SUZ12: variants seen among roughly 807,000 people sequenced by gnomAD.
SUZ12 encodes polycomb protein SUZ12.
Under a neutral mutation model 87.3 loss-of-function variants are expected in SUZ12, and 17 were observed. The observed-to-expected ratio is 0.19, with a 90% confidence interval of 0.13 to 0.29. The LOEUF (loss-of-function observed/expected upper bound fraction) is 0.29, where lower values mean the gene tolerates loss of function less well. Ranked by LOEUF, SUZ12 falls within the 10% of genes least tolerant of loss-of-function variation. SUZ12 has a pLI of 1.00. For synonymous variants in SUZ12, 253 were observed against 312.4 expected (o/e 0.81, Z 2.01); for missense variants, 526 against 912.2 (o/e 0.58, Z 5.45).
At chr17:31,975,965 C>T (rs1224550324) in intron 7 of SUZ12, among the ~76,000 whole-genome samples, 2 of 152,170 alleles carry the variant, frequency 1.3e-5, no homozygotes, top group Non-Finnish European at 2.9e-5. Flanking sequence ...GTGTATTTAT[C>T]CCCCTGCCCA....
intron 8 of SUZ12, among the ~76,000 whole-genome samples, chr17:31,978,460 C>A (rs1241294096): frequency 9.2e-5 from 14 of 152,180 alleles, no homozygotes; most frequent in East Asian, 3.9e-4. Context: ...CCACCTGCCT[C>A]AGCCTCCCAA....
At position 31,973,219 on chromosome 17, in the gene SUZ12, C is replaced by T. The variant is rs966803120; in HGVS notation, c.579C>T (p.His193=). ...TLEVLLVKVC[H]KKRKDVSCPI... is the part of the protein sequence containing the mutation. ...AAGTCCTGCTTGTGAAAGTTTGCCA[C>T]AAAAAAAGAAAGGTAATGTCAACAA... Residue 193 remains histidine (H), a synonymous_variant, in exon 6 of 16, where the codon CAC becomes CAT. Coordinates refer to ENST00000322652, the MANE Select transcript of SUZ12 (RefSeq NM_015355.4). The T allele has an allele frequency of 1.4e-5, 22 of 1,535,472 alleles. No individual in the cohort carries two copies. Among genetic ancestry groups the T allele is most frequent in the Non-Finnish European group, 1.9e-5 (22 of 1,141,104 alleles).
At chr17:31,953,303 G>A (rs1269360289) in intron 4 of SUZ12, among the ~76,000 whole-genome samples, 1 of 151,988 alleles carries the variant, frequency 6.6e-6, no homozygotes, top group African/African-American at 2.4e-5. Context: ...GTAGAGACAG[G>A]GTTTCACCTA....
At chr17:31,977,628 C>T (rs1337475977) in intron 8 of SUZ12, among the ~76,000 whole-genome samples, 3 of 152,016 alleles carry the variant, frequency 2.0e-5, no homozygotes, top group Admixed American at 6.5e-5. Flanking sequence ...CAGTGGCTCA[C>T]GCCTGTAATC....
intron 5 of SUZ12, among the ~76,000 whole-genome samples, chr17:31,969,668 C>G (rs1275095088): frequency 6.6e-6 from 1 of 152,128 alleles, no homozygotes; most frequent in Non-Finnish European, 1.5e-5. Flanking sequence ...TCTTTTCCAT[C>G]CAAGGTTTAT....
intron 4 of SUZ12, among the ~76,000 whole-genome samples, chr17:31,952,525 A>G (rs1907050415): frequency 6.6e-6 from 1 of 151,976 alleles, no homozygotes; most frequent in Non-Finnish European, 1.5e-5. Flanking sequence ...GATTCTAGGG[A>G]TTCTTATGCT....
At chr17:31,970,601 C>T (rs1410350076) in intron 5 of SUZ12, among the ~76,000 whole-genome samples, 1 of 151,928 alleles carries the variant, frequency 6.6e-6, no homozygotes, top group African/African-American at 2.4e-5. Flanking sequence ...GCATTCCAGC[C>T]TGGACAACCG....
intron 9 of SUZ12, among the ~76,000 whole-genome samples, chr17:31,984,335 C>T (rs1909287886): frequency 6.6e-6 from 1 of 152,096 alleles, no homozygotes; most frequent in African/African-American, 2.4e-5. Flanking sequence ...AACTCTTCTC[C>T]AGTCATCTGG....
At chr17:31,955,980 C>T (rs1022559129) in intron 4 of SUZ12, among the ~76,000 whole-genome samples, 3 of 151,602 alleles carry the variant, frequency 2.0e-5, no homozygotes, top group African/African-American at 4.8e-5. Context: ...GGTGCGATCT[C>T]GGCCCACTGC....
chr17:31,946,002 C>T (rs1906612697), intron 3 of SUZ12, among the ~76,000 whole-genome samples: 3 of 152,116 alleles, frequency 2.0e-5, no homozygotes, highest in South Asian at 4.1e-4. Context: ...AAATATATTG[C>T]CATCCTTCAG....
At chr17:31,957,895 C>CTTTTTTT (rs1181314058) in intron 4 of SUZ12, among the ~76,000 whole-genome samples, 2 of 91,332 alleles carry the variant, frequency 2.2e-5, no homozygotes, top group Non-Finnish European at 4.5e-5. Context: ...ACCTTTTGTC[C>CTTTTTTT]TTTTTTTTTT....
At chr17:31,964,906 C>T (rs1433422407) in intron 4 of SUZ12, among the ~76,000 whole-genome samples, 3 of 151,886 alleles carry the variant, frequency 2.0e-5, no homozygotes, top group African/African-American at 7.3e-5. Flanking sequence ...CGCTTGAACT[C>T]GGGAGGCGGA....
rs1598172090 is a variant in SUZ12, at chr17:31,973,943, A to G, written c.591+712A>G. 2.0e-5 allele frequency among the ~76,000 whole-genome samples: 3 copies of G among 152,068 alleles called. No homozygotes were observed. In the South Asian group the frequency reaches 6.2e-4, roughly 32 times the overall value. On this transcript the variant is annotated intron_variant, in intron 6 of 15. Transcript: ENST00000322652. ...ACTTTATTTTTGAAAGTTTATGTAA[A>G]GGCCGGTTGCCGTAGCTCACACCTA... is the stretch of plus-strand genomic sequence containing the variant.
chr17:31,984,170 C>T (rs1567833234), intron 9 of SUZ12, among the ~76,000 whole-genome samples: 1 of 152,146 alleles, frequency 6.6e-6, no homozygotes, highest in Admixed American at 6.5e-5. Flanking sequence ...AGAACTTAAA[C>T]CCTATGGTAT....
At chr17:31,949,659 A>T (rs1451020119) in intron 4 of SUZ12, among the ~76,000 whole-genome samples, 1 of 2,028 alleles carries the variant, frequency 4.9e-4, no homozygotes, top group Non-Finnish European at 1.0e-3. Flanking sequence ...CACCACACCC[A>T]GCCCCCCCCC....
chr17:31,948,569 T>C (rs1765888252), intron 4 of SUZ12, among the ~76,000 whole-genome samples: 1 of 152,238 alleles, frequency 6.6e-6, no homozygotes, highest in South Asian at 2.1e-4. Flanking sequence ...ATGCATCTCA[T>C]TGTTTTCCCA....
chr17:31,980,422 C>T (rs1909027007), intron 8 of SUZ12, among the ~76,000 whole-genome samples: 1 of 127,960 alleles, frequency 7.8e-6, no homozygotes, highest in African/African-American at 2.7e-5. Context: ...ACCAGAATCA[C>T]CTTCTCCTTT....
chr17:31,939,055 C>T (rs1342010179), intron 1 of SUZ12, among the ~76,000 whole-genome samples: 2 of 152,062 alleles, frequency 1.3e-5, no homozygotes, highest in African/African-American at 4.8e-5. Flanking sequence ...TATTTTTCAT[C>T]GACTTAAGTC....
chr17:31,955,827 C>T (rs987358068), intron 4 of SUZ12, among the ~76,000 whole-genome samples: 9 of 152,092 alleles, frequency 5.9e-5, no homozygotes, highest in Non-Finnish European at 1.3e-4. Flanking sequence ...AACAGTCCTC[C>T]TGTCTCAGCC....
Sources: gnomAD v4.1 joint callset for allele counts (sites outside exome capture counted in the v4.1 genomes callset) on GRCh38, gnomAD v4.1.1 for gene constraint, MANE v1.5 for transcripts, NCBI Gene and HGNC (gene_info 2026-07-23, HGNC 2026-07-21) for gene names.